VRK2: variants seen among roughly 807,000 people sequenced by gnomAD.
VRK2 encodes the protein VRK serine/threonine kinase 2.
VRK2 carries 60 observed loss-of-function variants against 57.6 expected under a neutral mutation model. The observed-to-expected ratio is 1.04, with a 90% confidence interval of 0.85 to 1.29. The LOEUF is 1.29. Among genes scored for constraint, VRK2 ranks in the 50% most tolerant of loss-of-function variants. VRK2 has a pLI of 0.00. For missense variants in VRK2, 705 were observed against 588.1 expected, an observed-to-expected ratio of 1.20 and a Z score of -2.06; for synonymous variants, 231 against 199.2, an observed-to-expected ratio of 1.16 and a Z score of -1.35.
chr2:58,001,385 C>A (rs951721375), intron 1 of VRK2, among the ~76,000 whole-genome samples: 4 of 152,132 alleles, frequency 2.6e-5, no homozygotes, highest in African/African-American at 9.7e-5. Flanking sequence ...CCTAAATCAC[C>A]AAAATGCAGC....
chr2:57,996,017 A>T (rs569393975), intron 1 of VRK2, among the ~76,000 whole-genome samples: 56 of 152,356 alleles, frequency 3.7e-4, no homozygotes, highest in Middle Eastern at 3.4e-3. Context: ...AATAATACAA[A>T]TAAAAACAAT....
upstream of VRK2, among the ~76,000 whole-genome samples, chr2:58,041,797 AT>A: frequency 6.6e-6 from 1 of 152,166 alleles, no homozygotes; most frequent in Non-Finnish European, 1.5e-5. Context: ...CAGTAAACTA[AT>A]ACCCTTGGTC....
At chr2:58,130,175 C>T (rs1473106417) in intron 8 of VRK2, among the ~76,000 whole-genome samples, 2 of 151,822 alleles carry the variant, frequency 1.3e-5, no homozygotes, top group Non-Finnish European at 2.9e-5. Context: ...TATTTTTCCT[C>T]AAAGGGCCTC....
intron 1 of VRK2, among the ~76,000 whole-genome samples, chr2:57,956,589 T>C (rs1027845594): frequency 2.0e-5 from 3 of 152,144 alleles, no homozygotes; most frequent in East Asian, 1.9e-4. Flanking sequence ...ACACTACATA[T>C]ATTAAGTTTG....
intron 1 of VRK2, among the ~76,000 whole-genome samples, chr2:58,016,374 T>C (rs1254120667): frequency 2.6e-5 from 4 of 152,094 alleles, no homozygotes; most frequent in Non-Finnish European, 5.9e-5. Flanking sequence ...TGAAATGGAG[T>C]CTTGCTCTGT....
At chr2:58,125,710 TAC>T (rs1271148829) in intron 8 of VRK2, among the ~76,000 whole-genome samples, 1 of 152,082 alleles carries the variant, frequency 6.6e-6, no homozygotes, top group Admixed American at 6.5e-5. Context: ...TATATGTAGA[TAC>T]AGATATAAAT....
chr2:58,154,945 C>G, intron 12 of VRK2: 1 of 492,322 alleles, frequency 2.0e-6, no homozygotes, highest in Non-Finnish European at 3.6e-6. Flanking sequence ...TGTTAATTCC[C>G]AAGTATCTGA....
chr2:57,997,523 C>T (rs1470631533), intron 1 of VRK2, among the ~76,000 whole-genome samples: 1 of 152,084 alleles, frequency 6.6e-6, no homozygotes. Context: ...AATTGGGAAA[C>T]ATAAGAGGGA....
Position 58,086,347 on chromosome 2 carries a change from T to C in VRK2, c.265T>C (p.Trp89Arg). The C allele has an allele frequency of 1.9e-6, 3 of 1,602,498 alleles. No individual in the cohort carries two copies. Among genetic ancestry groups the C allele is most frequent in the Non-Finnish European group, 2.5e-6 (3 of 1,176,700 alleles). The change falls in exon 5 of 13, where the codon TGG (tryptophan) becomes CGG (arginine). Residue 89 changes from tryptophan to arginine, a missense_variant. Transcript: ENST00000340157. Reference sequence around the variant, plus strand: ...TAAATTTGTCTTTGTAGTCAAAAAGTGGATAGAACGCAAACAACTTGATTA... The same window carrying C: ...TAAATTTGTCTTTGTAGTCAAAAAGCGGATAGAACGCAAACAACTTGATTA... ...RVAKKDCIKK[W>R]IERKQLDYLG...
intron 1 of VRK2, among the ~76,000 whole-genome samples, chr2:57,926,998 T>TGTGTGTGTGTGTGTG (rs540927767): frequency 2.1e-5 from 3 of 142,756 alleles, no homozygotes; most frequent in African/African-American, 5.2e-5. Flanking sequence ...TTTTAATTTC[T>TGTGTGTGTGTGTGTG]TGTGTGTGTG....
At chr2:57,970,945 T>C (rs1269711990) in intron 1 of VRK2, among the ~76,000 whole-genome samples, 1 of 152,020 alleles carries the variant, frequency 6.6e-6, no homozygotes, top group African/African-American at 2.4e-5. Flanking sequence ...TATTTATTTG[T>C]TAAAGAGACT....
intron 11 of VRK2, among the ~76,000 whole-genome samples, chr2:58,143,827 A>T (rs530920848): frequency 2.0e-5 from 3 of 151,902 alleles, no homozygotes; most frequent in Admixed American, 6.6e-5. Flanking sequence ...GCACAACCTA[A>T]GTGTGTGTCA....
intron 12 of VRK2, chr2:58,147,073 C>T (rs1682271661): frequency 4.2e-6 from 2 of 471,050 alleles, no homozygotes; most frequent in Non-Finnish European, 8.4e-6. Context: ...ATCATTTCCC[C>T]CAAATGATTT....
chr2:58,136,084 G>C (rs889787562), intron 10 of VRK2, among the ~76,000 whole-genome samples: 2 of 152,140 alleles, frequency 1.3e-5, no homozygotes, highest in African/African-American at 4.8e-5. Flanking sequence ...GAATTAGAGA[G>C]TTAAGTCATC....
At chr2:57,989,546 C>T (rs1672700529) in intron 1 of VRK2, among the ~76,000 whole-genome samples, 1 of 152,032 alleles carries the variant, frequency 6.6e-6, no homozygotes, top group South Asian at 2.1e-4. Context: ...TTGTTGTTTT[C>T]ATAGTGACTG....
intron 12 of VRK2, among the ~76,000 whole-genome samples, chr2:58,149,155 T>C (rs1214318844): frequency 6.6e-6 from 1 of 151,796 alleles, no homozygotes; most frequent in African/African-American, 2.4e-5. Flanking sequence ...TATGTGGAAC[T>C]TCTCTGCATT....
At chr2:58,071,210 G>T (rs931760913) in intron 2 of VRK2, among the ~76,000 whole-genome samples, 7 of 151,836 alleles carry the variant, frequency 4.6e-5, no homozygotes, top group Middle Eastern at 3.4e-3. Flanking sequence ...GATATGTCTT[G>T]TCAGATGTTT....
rs1673144603 is a variant in VRK2, at chr2:58,003,301, A to ACTGCTT, written c.-438-22363_-438-22358dup. Among the ~76,000 whole-genome samples, 4 of 152,166 alleles carry ACTGCTT rather than the reference A, an allele frequency of 2.6e-5. No individual in the cohort carries two copies. The South Asian group carries it at 8.3e-4, about 32-fold the overall frequency. ...TATGGGTTCCATATAATGTATCTTG[A>ACTGCTT]CTGCTTACTATTATTTATTCCTTGG... On this transcript the variant is annotated intron_variant, in intron 1 of 15. Transcript: ENST00000417641.
At chr2:57,918,625 G>T (rs1353019361) in intron 1 of VRK2, among the ~76,000 whole-genome samples, 1 of 152,094 alleles carries the variant, frequency 6.6e-6, no homozygotes, top group Non-Finnish European at 1.5e-5. Flanking sequence ...GACTGATTGT[G>T]AAAGCACCCA....
Sources: allele counts gnomAD v4.1 joint callset (sites outside exome capture counted in the v4.1 genomes callset), GRCh38; gene constraint gnomAD v4.1.1; transcripts MANE v1.5; gene names NCBI Gene and HGNC (gene_info 2026-07-23, HGNC 2026-07-21).